The following NECAB3 variants were observed in gnomAD, a reference collection of about 807,000 sequenced individuals.
The protein encoded by NECAB3 is N-terminal EF-hand calcium-binding protein 3.
NECAB3 carries 38 observed loss-of-function variants against 57.2 expected under a neutral mutation model. The observed-to-expected ratio is 0.66, with a 90% confidence interval of 0.51 to 0.87. NECAB3 has a LOEUF of 0.87. Ranked by LOEUF, NECAB3 falls within the 40% of genes least tolerant of loss-of-function variation. NECAB3 has a pLI of 0.00. For synonymous variants in NECAB3, 223 were observed against 222.6 expected (o/e 1.00, Z -0.02); for missense variants, 474 against 527.5 (o/e 0.90, Z 0.99).
chr20:33,658,978 T>C, intron 8 of NECAB3, 144 bp from the exon 9 acceptor site: 1 of 633,512 alleles, frequency 1.6e-6, no homozygotes, highest in Non-Finnish European at 2.8e-6. Context: ...TGGAGTGCAG[T>C]GGTGTGTGGG....
At position 33,669,468 on chromosome 20, in the gene NECAB3, G is replaced by C. The variant is rs1359801460; in HGVS notation, c.294C>G (p.Tyr98Ter). 1 of 1,613,568 alleles carries C rather than the reference G, an allele frequency of 6.2e-7. No individual in the cohort carries two copies. The highest frequency in any genetic ancestry group is 8.5e-7 in the Non-Finnish European group (1 of 1,180,042). The change falls in exon 5 of 12, where the codon TAC (tyrosine) becomes TAG (stop). Residue 98 changes from tyrosine to a stop codon, truncating the protein, a stop_gained. Coordinates refer to ENST00000246190, the MANE Select transcript of NECAB3 (RefSeq NM_031232.4). LOFTEE classifies it high-confidence loss of function. ...GGTAGACACCCAGGTGCTCTGAGAA[G>C]TAGTCTGCAGGCAGAAGAGGTGCTC... ...DNLETEKLCD[Y>*]FSEHLGVYRP...
At chr20:33,666,461 T>C (rs763290850) in intron 5 of NECAB3, 2 of 152,194 alleles carry the variant, frequency 1.3e-5, no homozygotes, top group Non-Finnish European at 2.9e-5. Context: ...TCCAAGTTCT[T>C]TTCTGCCTTC....
Position 33,671,821 on chromosome 20 carries a change from G to A in NECAB3, c.154+577C>T, listed in dbSNP as rs147316964. ...ACCCAGCTTTATCCTTGCCCAAGGC[G>A]TGGGTTTAGTTGTGTCCTCCAAGAC... On this transcript the variant is annotated intron_variant, in intron 2 of 11. Coordinates refer to ENST00000246190, the MANE Select transcript of NECAB3 (RefSeq NM_031232.4). Among the ~76,000 whole-genome samples, 38 of 152,326 alleles carry A rather than the reference G, an allele frequency of 2.5e-4. 1 individual carries two copies. The highest frequency in any genetic ancestry group is 7.9e-4 in the African/African-American group (33 of 41,586).
At chr20:33,664,742 A>T (rs939296062) in intron 5 of NECAB3, 1 of 152,092 alleles carries the variant, frequency 6.6e-6, no homozygotes, top group Non-Finnish European at 1.5e-5. Flanking sequence ...TCCACACCCA[A>T]TGCCACCCCT....
rs549272201 is a variant in NECAB3 at position 33,667,655 on chromosome 20, C to G, written c.387+1720G>C. The G allele has an allele frequency of 6.2e-7, 1 of 1,609,912 alleles. No individual in the cohort carries two copies. Among genetic ancestry groups the G allele is most frequent in the Admixed American group, 1.7e-5 (1 of 59,866 alleles). ...CTGAACGTGGCAGGCAGCACCCTGT[C>G]GCGCTACCTGCGGGATCTGCTGGTG... On this transcript the variant is annotated intron_variant, in intron 5 of 11. Transcript: ENST00000246190.
chr20:33,662,294 G>A (rs1403227767), intron 5 of NECAB3: 28 of 1,545,230 alleles, frequency 1.8e-5, no homozygotes, highest in East Asian at 4.9e-5. Context: ...GGGCCCAGGG[G>A]GCAGAGCAGA....
At chr20:33,670,946 G>C (rs1186878176) in intron 2 of NECAB3, among the ~76,000 whole-genome samples, 154 bp from the exon 3 acceptor site, 1 of 152,234 alleles carries the variant, frequency 6.6e-6, no homozygotes, top group African/African-American at 2.4e-5. Flanking sequence ...GGGCCTGACT[G>C]TTGGGGACAA....
intron 5 of NECAB3, 132 bp downstream of exon 5, chr20:33,669,242 AC>A: frequency 2.4e-6 from 2 of 833,846 alleles, no homozygotes; most frequent in Non-Finnish European, 3.8e-6. Context: ...GGGCACAGCT[AC>A]AAAGTGGGAG....
intron 5 of NECAB3, chr20:33,662,322 T>A: frequency 6.5e-7 from 1 of 1,550,042 alleles, no homozygotes; most frequent in Non-Finnish European, 8.7e-7. Context: ...TGGGCCATCG[T>A]CCCCAGTGGT....
intron 5 of NECAB3, chr20:33,663,536 G>A (rs1022441012): frequency 6.2e-7 from 1 of 1,609,538 alleles, no homozygotes; most frequent in Non-Finnish European, 8.5e-7. Context: ...CCCCAGACCA[G>A]GATCGTGCTG....
At position 33,672,451 on chromosome 20, in the gene NECAB3, T is replaced by C. The variant is rs375426469; in HGVS notation, c.130-29A>G. The C allele has an allele frequency of 1.1e-5, 18 of 1,613,790 alleles. 1 individual carries two copies. The highest frequency in any genetic ancestry group is 1.6e-4 in the Middle Eastern group (1 of 6,084). On this transcript the variant is annotated intron_variant, in intron 1 of 11. Coordinates refer to ENST00000246190, the MANE Select transcript of NECAB3 (RefSeq NM_031232.4). ...GAGGACAAAGGGACATAGAGAGAAC[T>C]GTGAGTGCCACCTGGGAAGCCAGAG... is the stretch of plus-strand genomic sequence containing the variant.
Position 33,662,651 on chromosome 20 carries a change from G to A in NECAB3, c.388-2256C>T, listed in dbSNP as rs1601157896. ...GATCCCAGGAGCCCATATGGGTGTG[G>A]ATGGGGGTCCTTTCAAGGTGGCTCA... On this transcript the variant is annotated intron_variant, in intron 5 of 11. Transcript: ENST00000246190. 5 of 706,080 alleles carry A rather than the reference G, an allele frequency of 7.1e-6. No homozygotes were observed. In the East Asian group the frequency reaches 1.1e-4, roughly 16 times the overall value. 43.7% of individuals were successfully genotyped at this position (706,080 alleles called of 1,614,324 possible).
intron 5 of NECAB3, chr20:33,667,233 G>A (rs1481209841): frequency 7.7e-6 from 3 of 390,050 alleles, no homozygotes; most frequent in African/African-American, 6.3e-5. Context: ...CTAGCTTGGT[G>A]CCCAGCTGGG....
chr20:33,659,515 C>T lies in NECAB3; in HGVS notation c.861G>A (p.Leu287=), dbSNP rs1267445634. ...GGCTCACCAAGTCAGGCCCCTTGGC[C>T]AGGTCCTCTTCACGCAGGGGTTCCA... ...PRLEPLREED[L]AKGPDLHILM... is the part of the protein sequence containing the mutation. The change falls in exon 8 of 12, where the codon CTG becomes CTA. Residue 287 remains leucine (L), a synonymous_variant. Coordinates refer to ENST00000246190, the MANE Select transcript of NECAB3 (RefSeq NM_031232.4). 1 of 1,507,484 alleles carries T rather than the reference C, an allele frequency of 6.6e-7. No homozygotes were observed. Among genetic ancestry groups the T allele is most frequent in the Non-Finnish European group, 8.9e-7 (1 of 1,122,070 alleles). The allele number at this position is 1,507,484 out of a possible 1,614,324, so 93.4% of individuals were successfully genotyped here. A position where few individuals can be genotyped will look rare whatever the true frequency, so the allele number is the denominator to read the frequency against.
intron 5 of NECAB3, among the ~76,000 whole-genome samples, chr20:33,668,980 G>C (rs2017764473): frequency 6.6e-6 from 1 of 152,196 alleles, no homozygotes; most frequent in African/African-American, 2.4e-5. Context: ...GTGAACCTGT[G>C]AGCACAGCCT....
intron 5 of NECAB3, chr20:33,662,295 G>A: frequency 1.9e-6 from 3 of 1,545,310 alleles, no homozygotes; most frequent in South Asian, 1.2e-5. Flanking sequence ...GGCCCAGGGG[G>A]CAGAGCAGAC....
chr20:33,657,971 G>A lies in NECAB3; in HGVS notation c.1133C>T (p.Pro378Leu), dbSNP rs1295333268. 8 of 1,557,210 alleles carry A rather than the reference G, an allele frequency of 5.1e-6. No homozygotes were observed. Among genetic ancestry groups the A allele is most frequent in the East Asian group, 2.4e-5 (1 of 41,246 alleles). Residue 378 changes from proline to leucine, a missense_variant, in exon 11 of 12, where the codon CCG (proline) becomes CTG (leucine). By Grantham distance (98) the Pro-to-Leu change is moderately conservative. Coordinates refer to ENST00000246190, the MANE Select transcript of NECAB3 (RefSeq NM_031232.4). ...QRILIDHLRA[P>L]DTLTTVFFPA... ...GAAGAACACAGTGGTGAGGGTGTCCGGGGCCCGCAGGTGGTCGATGAGGAT... is the reference window on the plus strand; with the variant it reads ...GAAGAACACAGTGGTGAGGGTGTCCAGGGCCCGCAGGTGGTCGATGAGGAT...
chr20:33,658,773 C>G lies in NECAB3; in HGVS notation c.941G>C (p.Arg314Pro). Residue 314 changes from arginine to proline, a missense_variant, in exon 9 of 12, where the codon CGA becomes CCA. By Grantham distance (103) the Arg-to-Pro change is moderately radical. Transcript: ENST00000246190. The part of the protein sequence containing the change: ...VAEEGLQDFH[R>P]ALRCYVDFTG... ...GAAGTCCACATAGCAGCGCAGGGCT[C>G]GGTGGAAGTCCTGCAGGCCTTCCTC... The G allele has an allele frequency of 6.2e-7, 1 of 1,613,592 alleles. No individual in the cohort carries two copies. The highest frequency in any genetic ancestry group is 8.5e-7 in the Non-Finnish European group (1 of 1,179,962).
In NECAB3 at chr20:33,659,878, G is replaced by A; in HGVS notation, c.643+7C>T. 1 of 1,543,078 alleles carries A rather than the reference G, an allele frequency of 6.5e-7. No homozygotes were observed. The highest frequency in any genetic ancestry group is 8.7e-7 in the Non-Finnish European group (1 of 1,146,998). ...CGGCCAGGCCTCCCACCCCACCCCA[G>A]GCGCACCTGTGTCAGAAGAGCCGGG... On this transcript the variant is annotated splice_region_variant and intron_variant, in intron 7 of 11. Coordinates refer to ENST00000246190, the MANE Select transcript of NECAB3 (RefSeq NM_031232.4).
Sources: gnomAD v4.1 joint callset for allele counts (sites outside exome capture counted in the v4.1 genomes callset) on GRCh38, gnomAD v4.1.1 for gene constraint, MANE v1.5 for transcripts, NCBI Gene and HGNC (gene_info 2026-07-23, HGNC 2026-07-21) for gene names.